TUBGCP3: variants seen among roughly 807,000 people sequenced by gnomAD.
TUBGCP3 encodes the protein gamma-tubulin complex component 3.
TUBGCP3 carries 50 observed loss-of-function variants against 123.1 expected under a neutral mutation model. That is an observed-to-expected ratio of 0.41 (90% CI 0.32 to 0.51). The LOEUF (loss-of-function observed/expected upper bound fraction) is 0.51, where lower values mean the gene tolerates loss of function less well. Among genes scored for constraint, TUBGCP3 ranks in the 20% least tolerant of loss-of-function variants. The pLI is 0.36. For synonymous variants in TUBGCP3, 405 were observed against 413.9 expected, an observed-to-expected ratio of 0.98 and a Z score of 0.26; for missense variants, 882 against 1,127.0, an observed-to-expected ratio of 0.78 and a Z score of 3.11.
intron 20 of TUBGCP3, among the ~76,000 whole-genome samples, chr13:112,490,916 T>G (rs1333178718): frequency 6.6e-6 from 1 of 152,164 alleles, no homozygotes; most frequent in Non-Finnish European, 1.5e-5. Context: ...ACAATTTCCT[T>G]TCTCTCATGG....
At chr13:112,596,781 A>G in the TUBGCP3 span, among the ~76,000 whole-genome samples, 2 of 152,248 alleles carry the variant, frequency 1.3e-5, no homozygotes, top group Admixed American at 6.5e-5. Context: ...TAAAAAATAT[A>G]TTTTCTCTTT....
chr13:112,601,393 G>A, the TUBGCP3 span, among the ~76,000 whole-genome samples: 29 of 152,082 alleles, frequency 1.9e-4, no homozygotes, highest in Middle Eastern at 3.4e-3. Flanking sequence ...TTGTAAATTG[G>A]TTTAGTGTTC....
chr13:112,505,713 A>C (rs1393940388), intron 17 of TUBGCP3, among the ~76,000 whole-genome samples: 1 of 152,252 alleles, frequency 6.6e-6, no homozygotes, highest in Non-Finnish European at 1.5e-5. Flanking sequence ...AAGCCTTATA[A>C]AAATGTAAAT....
At chr13:112,584,798 T>C (rs375188971) in intron 1 of TUBGCP3, among the ~76,000 whole-genome samples, 21 of 152,362 alleles carry the variant, frequency 1.4e-4, no homozygotes, top group African/African-American at 4.8e-4. Context: ...GATTTGAACA[T>C]TAACATCAAG....
chr13:112,501,190 A>G (rs938827219), intron 19 of TUBGCP3, among the ~76,000 whole-genome samples: 1 of 152,240 alleles, frequency 6.6e-6, no homozygotes, highest in Non-Finnish European at 1.5e-5. Context: ...TCCATCTTAC[A>G]AGTTCTCATC....
chr13:112,568,651 C>T (rs1881167255), intron 2 of TUBGCP3, among the ~76,000 whole-genome samples: 1 of 152,266 alleles, frequency 6.6e-6, no homozygotes, highest in African/African-American at 2.4e-5. Flanking sequence ...CAGGGAAATG[C>T]ACTGACCTTC....
chr13:112,506,389 C>G (rs1163952547), intron 17 of TUBGCP3, among the ~76,000 whole-genome samples: 2 of 152,198 alleles, frequency 1.3e-5, no homozygotes, highest in African/African-American at 4.8e-5. Flanking sequence ...GATTTACTTA[C>G]AAAGTTTACA....
At chr13:112,534,585 G>A (rs566018118) in intron 11 of TUBGCP3, among the ~76,000 whole-genome samples, 1 of 151,760 alleles carries the variant, frequency 6.6e-6, no homozygotes, top group Non-Finnish European at 1.5e-5. Context: ...ACTCCTGCAA[G>A]GCCCCATGTG....
At chr13:112,499,016 A>G (rs2139211653) in intron 20 of TUBGCP3, 29 bp downstream of exon 20, 2 of 1,614,240 alleles carry the variant, frequency 1.2e-6, no homozygotes, top group East Asian at 4.5e-5. Context: ...TTATTCAAAT[A>G]GATAAATTCA....
chr13:112,572,296 T>C (rs1477468867), intron 1 of TUBGCP3, among the ~76,000 whole-genome samples: 1 of 152,218 alleles, frequency 6.6e-6, no homozygotes, highest in Non-Finnish European at 1.5e-5. Flanking sequence ...AAAAGCGGGA[T>C]ACATGTGCAG....
chr13:112,559,500 T>A, intron 3 of TUBGCP3, 101 bp from the exon 4 acceptor site: 2 of 944,274 alleles, frequency 2.1e-6, no homozygotes, highest in Non-Finnish European at 3.0e-6. Context: ...AAATGCATTT[T>A]AAAATTCACA....
intron 1 of TUBGCP3, among the ~76,000 whole-genome samples, chr13:112,575,517 A>C (rs1004943167): frequency 6.6e-6 from 1 of 152,208 alleles, no homozygotes; most frequent in Non-Finnish European, 1.5e-5. Flanking sequence ...TGGAGACATC[A>C]AGGGGCATTT....
In TUBGCP3 at chr13:112,553,692, G is replaced by T. The variant is rs770466671; in HGVS notation, c.966+365C>A. Reference sequence around the variant, plus strand: ...AATCACGCAGCTGGGAGTGTCCCCTGTTGGCAGGCCCCGTCCCAGCAGGGC... The same window carrying T: ...AATCACGCAGCTGGGAGTGTCCCCTTTTGGCAGGCCCCGTCCCAGCAGGGC... On this transcript the variant is annotated intron_variant, in intron 8 of 21. Coordinates refer to ENST00000261965, the MANE Select transcript of TUBGCP3 (RefSeq NM_006322.6). Among the ~76,000 whole-genome samples the T allele has an allele frequency of 1.0e-3, 156 of 152,330 alleles. 1 individual carries two copies. The highest frequency in any genetic ancestry group is 1.4e-3 in the Non-Finnish European group (94 of 68,016).
In TUBGCP3 at chr13:112,499,411, C is replaced by T. The variant is rs534075400; in HGVS notation, c.2308-226G>A. On this transcript the variant is annotated intron_variant, in intron 19 of 21. Transcript: ENST00000261965. ...AACGTGACCATCCTGCACCTGCACC[C>T]GTAACAAGAGCAATCGTGACTGCCC... is the stretch of plus-strand genomic sequence containing the variant. Among the ~76,000 whole-genome samples, 19 of 152,340 alleles carry T rather than the reference C, an allele frequency of 1.2e-4. No individual in the cohort carries two copies. The East Asian group carries it at 2.3e-3, about 19-fold the overall frequency.
chr13:112,498,692 A>T (rs1184516629), intron 20 of TUBGCP3: 1 of 1,369,454 alleles, frequency 7.3e-7, no homozygotes, highest in African/African-American at 1.5e-5. Context: ...AGCATGGTGC[A>T]CGATCCACAA....
chr13:112,518,164 T>C (rs1204335977), intron 16 of TUBGCP3, among the ~76,000 whole-genome samples: 1 of 152,172 alleles, frequency 6.6e-6, no homozygotes, highest in Non-Finnish European at 1.5e-5. Context: ...GGCAGGTTTC[T>C]TACCCCCAAG....
intron 8 of TUBGCP3, among the ~76,000 whole-genome samples, chr13:112,549,989 CAAAAAAAAAAA>C (rs750596642): frequency 4.5e-4 from 18 of 40,226 alleles, no homozygotes; most frequent in Middle Eastern, 0.017. Context: ...GACTCCATCT[CAAAAAAAAAAA>C]AAAAAAAAAA....
At chr13:112,566,849 A>G (rs547034825) in intron 2 of TUBGCP3, among the ~76,000 whole-genome samples, 2 of 152,248 alleles carry the variant, frequency 1.3e-5, no homozygotes, top group African/African-American at 4.8e-5. Context: ...CCCACCTGCC[A>G]GTGTGGAAAA....
At chr13:112,512,490 G>A (rs1207971882) in intron 17 of TUBGCP3, among the ~76,000 whole-genome samples, 1 of 149,024 alleles carries the variant, frequency 6.7e-6, no homozygotes, top group African/African-American at 2.5e-5. Flanking sequence ...TCCCAGCACT[G>A]GGGGAGGCCA....
Sources: allele counts gnomAD v4.1 joint callset (sites outside exome capture counted in the v4.1 genomes callset), GRCh38; gene constraint gnomAD v4.1.1; transcripts MANE v1.5; gene names NCBI Gene and HGNC (gene_info 2026-07-23, HGNC 2026-07-21).